TBC1D8: variants seen among roughly 807,000 people sequenced by gnomAD.
The protein encoded by TBC1D8 is TBC1 domain family member 8.
Under a neutral mutation model 118.8 loss-of-function variants are expected in TBC1D8, and 65 were observed. The ratio of observed to expected loss-of-function variants is 0.55; its 90% CI spans 0.45 to 0.67. TBC1D8 has a LOEUF of 0.67. Among genes scored for constraint, TBC1D8 ranks in the 30% least tolerant of loss-of-function variants. The probability of loss-of-function intolerance (pLI) is 0.00; values close to 1 mark genes in which losing one functional copy is unlikely to be tolerated. For synonymous variants in TBC1D8, 566 were observed against 595.8 expected (o/e 0.95, Z 0.73); for missense variants, 1,376 against 1,471.2 (o/e 0.94, Z 1.06).
intron 17 of TBC1D8, among the ~76,000 whole-genome samples, chr2:101,015,193 A>G (rs1057326748): frequency 3.9e-5 from 6 of 152,192 alleles, no homozygotes; most frequent in African/African-American, 1.4e-4. Context: ...GTAGCTGTGT[A>G]TCTAAACTAT....
In TBC1D8 at chr2:101,028,255, C is replaced by T. The variant is rs771555134; in HGVS notation, c.2352+48G>A. On this transcript the variant is annotated intron_variant, in intron 13 of 19. Coordinates refer to ENST00000409318, the MANE Select transcript of TBC1D8 (RefSeq NM_001330348.2). ...ACATCCATCCCCCAGTCACAATTCC[C>T]GGGGGGTTAGGGGCTGCAACGGGGC... 1.3e-5 allele frequency: 19 copies of T among 1,500,284 alleles called. No individual in the cohort carries two copies. In the East Asian group the frequency reaches 2.1e-4, roughly 17 times the overall value. 92.9% of individuals were successfully genotyped at this position (1,500,284 alleles called of 1,614,324 possible).
At position 101,052,669 on chromosome 2, in the gene TBC1D8, G is replaced by T. The variant is rs190892339; in HGVS notation, c.631+1439C>A. 3.3e-5 allele frequency among the ~76,000 whole-genome samples: 5 copies of T among 152,070 alleles called. No homozygotes were observed. In the East Asian group the frequency reaches 7.7e-4, roughly 24 times the overall value. ...TTTTTGTATTTTTAGTAGAGGCGGG[G>T]TTTCCACTGTGCCTGACCTATTTTT... On this transcript the variant is annotated intron_variant, in intron 4 of 19. Transcript: ENST00000409318.
intron 2 of TBC1D8, among the ~76,000 whole-genome samples, chr2:101,061,684 CA>C (rs1682761693): frequency 2.0e-5 from 3 of 152,054 alleles, no homozygotes; most frequent in Non-Finnish European, 2.9e-5. Context: ...CCTCCCGTGT[CA>C]TGCTCTCCAT....
At chr2:101,135,720 C>T (rs1202486073) in intron 1 of TBC1D8, among the ~76,000 whole-genome samples, 2 of 152,254 alleles carry the variant, frequency 1.3e-5, no homozygotes, top group Non-Finnish European at 2.9e-5. Flanking sequence ...GTCCTCACTT[C>T]CCAGGCCCTC....
chr2:101,045,001 C>A (rs1266616780), intron 5 of TBC1D8, among the ~76,000 whole-genome samples: 2 of 152,148 alleles, frequency 1.3e-5, no homozygotes, highest in Non-Finnish European at 2.9e-5. Flanking sequence ...CCCACCTCGG[C>A]CTCCCAAAGT....
At chr2:101,042,983 C>T (rs1223292195) in intron 5 of TBC1D8, among the ~76,000 whole-genome samples, 1 of 152,194 alleles carries the variant, frequency 6.6e-6, no homozygotes, top group Non-Finnish European at 1.5e-5. Context: ...TTTCTGGTCT[C>T]ATGTCCACCA....
rs181362380 is a variant in TBC1D8, at chr2:101,035,189, G to A, written c.1603+829C>T. ...TCCAGGCGCCTCCCTGCTGACAAAAGCGCCATGGGGTCATCTGGGGAAGGG... is the reference window on the plus strand; with the variant it reads ...TCCAGGCGCCTCCCTGCTGACAAAAACGCCATGGGGTCATCTGGGGAAGGG... On this transcript the variant is annotated intron_variant, in intron 9 of 19. Coordinates refer to ENST00000409318, the MANE Select transcript of TBC1D8 (RefSeq NM_001330348.2). Among the ~76,000 whole-genome samples the A allele has an allele frequency of 3.0e-3, 459 of 152,246 alleles. 5 individuals are homozygous for A. The highest frequency in any genetic ancestry group is 0.011 in the African/African-American group (440 of 41,550).
rs367796727 is a variant in TBC1D8, at chr2:101,050,253, T to A, written c.872+148A>T. 1.1e-4 allele frequency: 133 copies of A among 1,184,464 alleles called. 1 individual carries two copies. In the East Asian group the frequency reaches 3.1e-3, roughly 27 times the overall value. 73.4% of individuals were successfully genotyped at this position (1,184,464 alleles called of 1,614,324 possible). ...ATTTCTGTCATATCTCTGTCGAGAT[T>A]AACGACATACAAAAATCTGGATTAT... On this transcript the variant is annotated intron_variant, in intron 5 of 19. Transcript: ENST00000409318.
rs375313054 is a variant in TBC1D8, at chr2:101,045,731, C to T, written c.872+4670G>A. On this transcript the variant is annotated intron_variant, in intron 5 of 19. Coordinates refer to ENST00000409318, the MANE Select transcript of TBC1D8 (RefSeq NM_001330348.2). The stretch of plus-strand genomic sequence containing the variant: ...AGACCCGTGGCTGGGAGGTGGCTCC[C>T]GCCTGTCATCCCAGCGCTTTGGGAG... Among the ~76,000 whole-genome samples, 10 of 152,218 alleles carry T rather than the reference C, an allele frequency of 6.6e-5. No homozygotes were observed. The South Asian group carries it at 8.3e-4, about 13-fold the overall frequency.
At chr2:101,025,646 ATAAGTCT>A (rs1443901168) in intron 15 of TBC1D8, among the ~76,000 whole-genome samples, 1 of 152,238 alleles carries the variant, frequency 6.6e-6, no homozygotes, top group Non-Finnish European at 1.5e-5. Flanking sequence ...AACTTTGAAA[ATAAGTCT>A]TACGCAGAAC....
chr2:101,060,578 T>A (rs896451190), intron 2 of TBC1D8, among the ~76,000 whole-genome samples: 2 of 152,190 alleles, frequency 1.3e-5, no homozygotes, highest in Non-Finnish European at 2.9e-5. Context: ...AAAAGCTTAG[T>A]CATTTTAGTT....
intron 4 of TBC1D8, 49 bp downstream of exon 4, chr2:101,054,058 AG>A (rs1180010479): frequency 1.3e-6 from 2 of 1,535,996 alleles, no homozygotes; most frequent in South Asian, 2.4e-5. Flanking sequence ...AGCAGCGCTG[AG>A]TCCCTGGGGC....
In TBC1D8 at chr2:101,102,395, A is replaced by G. The variant is rs1024919156; in HGVS notation, c.128-12031T>C. Among the ~76,000 whole-genome samples, 3 of 152,148 alleles carry G rather than the reference A, an allele frequency of 2.0e-5. No homozygotes were observed. In the East Asian group the frequency reaches 5.8e-4, roughly 29 times the overall value. Reference sequence around the variant, plus strand: ...CTTGAACCTGGGAGGCAGACATAGCAGTGAGCTGAAACCACGCTGCTGCAC... The same window carrying G: ...CTTGAACCTGGGAGGCAGACATAGCGGTGAGCTGAAACCACGCTGCTGCAC... On this transcript the variant is annotated intron_variant, in intron 1 of 19. Transcript: ENST00000409318.
intron 1 of TBC1D8, among the ~76,000 whole-genome samples, chr2:101,121,582 T>C (rs982282190): frequency 2.6e-5 from 4 of 152,214 alleles, no homozygotes; most frequent in African/African-American, 9.6e-5. Context: ...TGAGGTCTCA[T>C]TTGTAAGGGC....
At position 101,011,391 on chromosome 2, in the gene TBC1D8, G is replaced by A. The variant is rs1679198695; in HGVS notation, c.2917+60C>T. 13 of 1,553,630 alleles carry A rather than the reference G, an allele frequency of 8.4e-6. No individual in the cohort carries two copies. The South Asian group carries it at 1.1e-4, about 13-fold the overall frequency. ...CAAGAAGAGGGATGAGGGCAACCCC[G>A]GTGCCTCCCGCCACTGCAGTGGTAT... On this transcript the variant is annotated intron_variant, in intron 18 of 19. Transcript: ENST00000409318.
intron 1 of TBC1D8, among the ~76,000 whole-genome samples, chr2:101,137,902 C>T (rs1274807817): frequency 1.3e-5 from 2 of 152,144 alleles, no homozygotes; most frequent in Non-Finnish European, 1.5e-5. Context: ...AGTTCATTCT[C>T]TTACTGCTAT....
intron 1 of TBC1D8, among the ~76,000 whole-genome samples, chr2:101,141,896 T>C (rs1270152137): frequency 6.6e-6 from 1 of 151,936 alleles, no homozygotes; most frequent in Non-Finnish European, 1.5e-5. Flanking sequence ...GACTCAAGTA[T>C]TTCTCAGAAG....
chr2:101,029,682 G>A lies in TBC1D8; in HGVS notation c.2031C>T (p.Ser677=), dbSNP rs3739015. 0.21 allele frequency: 343,483 copies of A among 1,613,792 alleles called. 37,493 individuals carry two copies. Among genetic ancestry groups the A allele is most frequent in the Non-Finnish European group, 0.23 (266,729 of 1,179,816 alleles). ...GGGTCAGGAACCACGAGAGAGAGACGGACGCCAGGGCTGAGAGGTCGTTCA... is the reference window on the plus strand; with the variant it reads ...GGGTCAGGAACCACGAGAGAGAGACAGACGCCAGGGCTGAGAGGTCGTTCA... ...EHMNDLSALA[S]VSLSWFLTLF... Residue 677 remains serine (S), a synonymous_variant, in exon 12 of 20, where the codon TCC becomes TCT. Coordinates refer to ENST00000409318, the MANE Select transcript of TBC1D8 (RefSeq NM_001330348.2).
In TBC1D8 at chr2:101,029,608, C is replaced by A. The variant is rs767019766; in HGVS notation, c.2105G>T (p.Cys702Phe). ...PLESAVNVVD[C>F]FFYDGIKAIF... Reference sequence around the variant, plus strand: ...GGCTTTGATGCCATCATAGAAGAAGCAGTCTACCACATTCACCGCACTCTC... The same window carrying A: ...GGCTTTGATGCCATCATAGAAGAAGAAGTCTACCACATTCACCGCACTCTC... Residue 702 changes from cysteine to phenylalanine, a missense_variant, in exon 12 of 20, where the codon TGC becomes TTC. Transcript: ENST00000409318. 1 of 1,614,022 alleles carries A rather than the reference C, an allele frequency of 6.2e-7. No homozygotes were observed. Among genetic ancestry groups the A allele is most frequent in the South Asian group, 1.1e-5 (1 of 91,086 alleles).
Sources: allele counts gnomAD v4.1 joint callset (sites outside exome capture counted in the v4.1 genomes callset), GRCh38; gene constraint gnomAD v4.1.1; transcripts MANE v1.5; gene names NCBI Gene and HGNC (gene_info 2026-07-23, HGNC 2026-07-21).